NUDCD3: variants seen among roughly 807,000 people sequenced by gnomAD.
NUDCD3 encodes the protein NudC domain containing 3.
A neutral mutation model predicts 39.7 loss-of-function variants in NUDCD3; 13 were observed. The observed-to-expected ratio is 0.33, with a 90% confidence interval of 0.21 to 0.52. The LOEUF (loss-of-function observed/expected upper bound fraction) is 0.52, where lower values mean the gene tolerates loss of function less well. NUDCD3 is among the 20% of genes least tolerant of loss of function. The probability of loss-of-function intolerance (pLI) is 0.96; values close to 1 mark genes in which losing one functional copy is unlikely to be tolerated. For synonymous variants in NUDCD3, 175 were observed against 172.4 expected (o/e 1.02, Z -0.12); for missense variants, 453 against 458.1 (o/e 0.99, Z 0.10).
intron 2 of NUDCD3, among the ~76,000 whole-genome samples, chr7:44,431,667 C>CT (rs1491395929): frequency 4.3e-5 from 6 of 140,514 alleles, no homozygotes; most frequent in African/African-American, 1.5e-4. Flanking sequence ...CTCTCTCCTT[C>CT]CTTTTTTTTT....
chr7:44,427,699 G>A lies in NUDCD3; in HGVS notation c.514C>T (p.Gln172Ter). 6.2e-7 allele frequency: 1 copy of A among 1,613,808 alleles called. No individual in the cohort carries two copies. ...PREPPILPRI[Q>*]EQFQKNPDSY... ...TCGGGATTTTTCTGGAACTGCTCCT[G>A]AATCCTGAGAAAGAATAAAAAATGT... The change falls in exon 3 of 6, where the codon CAG becomes TAG. Residue 172 changes from glutamine (Q) to a stop codon, truncating the protein, a stop_gained. Transcript: ENST00000355451. LOFTEE classifies it high-confidence loss of function.
At chr7:44,422,335 A>AC (rs1190018343) in intron 3 of NUDCD3, among the ~76,000 whole-genome samples, 1 of 152,214 alleles carries the variant, frequency 6.6e-6, no homozygotes, top group Non-Finnish European at 1.5e-5. Flanking sequence ...CTTAGAAAAA[A>AC]ATCAATGAAT....
At chr7:44,391,269 G>T (rs183354673) in intron 5 of NUDCD3, among the ~76,000 whole-genome samples, 49 of 152,172 alleles carry the variant, frequency 3.2e-4, no homozygotes, top group Non-Finnish European at 6.3e-4. Flanking sequence ...GTGTGGCAGG[G>T]CCAGGTGAGG....
In NUDCD3 at chr7:44,482,018, T is replaced by C. The variant is rs189472551; in HGVS notation, c.509+2950A>G. Among the ~76,000 whole-genome samples the C allele has an allele frequency of 6.6e-5, 10 of 152,328 alleles. No individual in the cohort carries two copies. The East Asian group carries it at 1.9e-3, about 29-fold the overall frequency. The stretch of plus-strand genomic sequence containing the variant: ...CAGAACTGTGAGCAATAAATTTATG[T>C]AGTCTATAAGCCACCCAGGCTATAT... On this transcript the variant is annotated intron_variant, in intron 2 of 5. Transcript: ENST00000355451.
At chr7:44,410,681 G>GT (rs1798906965) in intron 3 of NUDCD3, among the ~76,000 whole-genome samples, 1 of 133,126 alleles carries the variant, frequency 7.5e-6, no homozygotes, top group Non-Finnish European at 1.6e-5. Context: ...AAAAAGTCTA[G>GT]TAACAGGCCA....
intron 4 of NUDCD3, chr7:44,402,713 C>T (rs74376080): frequency 8.8e-6 from 4 of 456,492 alleles, no homozygotes; most frequent in Non-Finnish European, 1.8e-5. Context: ...ACTGAGTTCA[C>T]CCAACGGAAG....
At position 44,462,945 on chromosome 7, in the gene NUDCD3, C is replaced by CTGTGTGTG. The variant is rs3138779; in HGVS notation, c.509+22015_509+22022dup. 1.8e-3 allele frequency among the ~76,000 whole-genome samples: 259 copies of CTGTGTGTG among 146,790 alleles called. 1 individual carries two copies. The highest frequency in any genetic ancestry group is 5.6e-3 in the South Asian group (25 of 4,486). The stretch of plus-strand genomic sequence containing the variant: ...GGTTACCAATCAAGACACAACCAGG[C>CTGTGTGTG]TGTGTGTGTGTGTGTGTGTGTGTGT... On this transcript the variant is annotated intron_variant, in intron 2 of 5. Transcript: ENST00000355451.
chr7:44,484,943 G>A (rs1800573220), intron 2 of NUDCD3, 25 bp downstream of exon 2: 1 of 1,541,756 alleles, frequency 6.5e-7, no homozygotes, highest in South Asian at 1.2e-5. Context: ...AAGAAAGAAG[G>A]AAGCTGCAAA....
chr7:44,392,360 C>T lies in NUDCD3; in HGVS notation c.912G>A (p.Val304=), dbSNP rs1362013448. 6.2e-7 allele frequency: 1 copy of T among 1,614,092 alleles called. No homozygotes were observed. The highest frequency in any genetic ancestry group is 1.3e-5 in the African/African-American group (1 of 74,942). The change falls in exon 5 of 6, where the codon GTG becomes GTA. Residue 304 remains valine (V), a synonymous_variant. Coordinates refer to ENST00000355451, the MANE Select transcript of NUDCD3 (RefSeq NM_015332.4). The part of the protein sequence containing the change: ...MATVDEEEQA[V]LDRLTFDYHQ... ...GGTAGTCAAAGGTAAGCCTGTCCAACACCGCCTGTTCCTCCTCATCCACGG... is the reference window on the plus strand; with the variant it reads ...GGTAGTCAAAGGTAAGCCTGTCCAATACCGCCTGTTCCTCCTCATCCACGG...
intron 4 of NUDCD3, among the ~76,000 whole-genome samples, chr7:44,397,551 C>T (rs1434397551): frequency 2.0e-5 from 3 of 152,134 alleles, no homozygotes; most frequent in African/African-American, 7.2e-5. Flanking sequence ...CCTTGCATTC[C>T]CCTAATGAAT....
At chr7:44,397,651 A>G (rs1255234554) in intron 4 of NUDCD3, among the ~76,000 whole-genome samples, 3 of 152,174 alleles carry the variant, frequency 2.0e-5, no homozygotes, top group Non-Finnish European at 4.4e-5. Context: ...AGTTACTAGA[A>G]TAAGTACAAA....
chr7:44,411,450 A>G (rs1275593062), intron 3 of NUDCD3, among the ~76,000 whole-genome samples: 1 of 152,250 alleles, frequency 6.6e-6, no homozygotes, highest in African/African-American at 2.4e-5. Flanking sequence ...AAACAACCCA[A>G]TTAAAACATG....
rs1203191001 is a variant in NUDCD3, at chr7:44,488,987, C to CTGTAGTTTG, written c.192+1421_192+1422insCAAACTACA. 8.9e-4 allele frequency among the ~76,000 whole-genome samples: 136 copies of CTGTAGTTTG among 152,334 alleles called. 1 individual carries two copies. Among genetic ancestry groups the CTGTAGTTTG allele is most frequent in the African/African-American group, 3.0e-3 (126 of 41,574 alleles). On this transcript the variant is annotated intron_variant, in intron 1 of 5. Coordinates refer to ENST00000355451, the MANE Select transcript of NUDCD3 (RefSeq NM_015332.4). ...TATTACTCAGTATATACTCCTTTCT[C>CTGTAGTTTG]CTCCACATCTTTCTGCAAACTACAA...
intron 2 of NUDCD3, among the ~76,000 whole-genome samples, chr7:44,482,738 A>G (rs2116981263): frequency 6.6e-6 from 1 of 152,356 alleles, no homozygotes; most frequent in African/African-American, 2.4e-5. Flanking sequence ...AGACATTTGA[A>G]AGAAAAAGAA....
Position 44,426,106 on chromosome 7 carries a change from C to T in NUDCD3, c.642+1465G>A, listed in dbSNP as rs904727202. On this transcript the variant is annotated intron_variant, in intron 3 of 5. Transcript: ENST00000355451. ...TCATCGCTGTGACCTGGGTTCTTTG[C>T]TTTGCCTCTCAGGACTGGATGGGGC... The T allele has an allele frequency of 1.8e-5, 18 of 985,144 alleles. No individual in the cohort carries two copies. In the African/African-American group the frequency reaches 2.6e-4, roughly 14 times the overall value. The allele number at this position is 985,144 out of a possible 1,614,324, so 61.0% of individuals were successfully genotyped here. A position where few individuals can be genotyped will look rare whatever the true frequency, so the allele number is the denominator to read the frequency against.
At chr7:44,411,884 C>A (rs1245394026) in intron 3 of NUDCD3, among the ~76,000 whole-genome samples, 1 of 152,198 alleles carries the variant, frequency 6.6e-6, no homozygotes, top group Non-Finnish European at 1.5e-5. Flanking sequence ...ATTGGAGGTA[C>A]AAGTAGATGC....
At chr7:44,404,619 C>G (rs1421061621) in intron 3 of NUDCD3, 36 bp from the exon 4 acceptor site, 1 of 1,607,466 alleles carries the variant, frequency 6.2e-7, no homozygotes, top group Admixed American at 1.7e-5. Flanking sequence ...TCTCTCCTAT[C>G]AGGGTGACCA....
intron 2 of NUDCD3, among the ~76,000 whole-genome samples, chr7:44,437,547 G>GACT (rs930410525): frequency 1.7e-4 from 26 of 152,200 alleles, no homozygotes; most frequent in African/African-American, 6.3e-4. Context: ...AGACCCCAGG[G>GACT]ACTACCCTGT....
intron 4 of NUDCD3, among the ~76,000 whole-genome samples, chr7:44,398,712 T>A (rs1451049196): frequency 6.6e-6 from 1 of 152,206 alleles, no homozygotes; most frequent in African/African-American, 2.4e-5. Context: ...AGGACGACTT[T>A]ACTCCTCACA....
Sources: gnomAD v4.1 joint callset for allele counts (sites outside exome capture counted in the v4.1 genomes callset) on GRCh38, gnomAD v4.1.1 for gene constraint, MANE v1.5 for transcripts, NCBI Gene and HGNC (gene_info 2026-07-23, HGNC 2026-07-21) for gene names.